Variants in SLC25A21 observed in about 807,000 individuals in gnomAD.
The protein encoded by SLC25A21 is mitochondrial 2-oxodicarboxylate carrier.
In SLC25A21, 47 loss-of-function variants were observed where a neutral mutation model predicts 43.8. The ratio of observed to expected loss-of-function variants is 1.07; its 90% CI spans 0.85 to 1.37. SLC25A21 has a LOEUF of 1.37. SLC25A21 is among the 40% of genes most tolerant of loss of function. The pLI is 0.00. For missense variants in SLC25A21, 352 were observed against 350.2 expected, an observed-to-expected ratio of 1.00 and a Z score of -0.04; for synonymous variants, 131 against 121.3, an observed-to-expected ratio of 1.08 and a Z score of -0.52.
chr14:36,763,642 T>A (rs1886249262), intron 3 of SLC25A21, among the ~76,000 whole-genome samples: 1 of 152,042 alleles, frequency 6.6e-6, no homozygotes, highest in South Asian at 2.1e-4. Flanking sequence ...GGGTCCTTGC[T>A]TGATTTGATG....
chr14:37,162,452 CA>C (rs968519372), intron 1 of SLC25A21, among the ~76,000 whole-genome samples: 10 of 58,636 alleles, frequency 1.7e-4, no homozygotes, highest in African/African-American at 5.3e-4. Flanking sequence ...AAGAAAAAAA[CA>C]AACAACCCCA....
intron 1 of SLC25A21, among the ~76,000 whole-genome samples, chr14:36,995,071 C>T (rs1026420507): frequency 1.3e-5 from 2 of 152,150 alleles, no homozygotes; most frequent in African/African-American, 4.8e-5. Flanking sequence ...TCCCCTTTCA[C>T]GTCTGGCCTG....
intron 3 of SLC25A21, among the ~76,000 whole-genome samples, chr14:36,812,418 T>C (rs1888303210): frequency 6.6e-6 from 1 of 151,392 alleles, no homozygotes; most frequent in African/African-American, 2.4e-5. Flanking sequence ...TAGCTAGCAA[T>C]GTACTTTACT....
At chr14:36,883,705 T>C (rs1890825125) in intron 1 of SLC25A21, among the ~76,000 whole-genome samples, 1 of 152,182 alleles carries the variant, frequency 6.6e-6, no homozygotes, top group African/African-American at 2.4e-5. Flanking sequence ...ATTATGGGAT[T>C]CCATTTCAGT....
intron 1 of SLC25A21, among the ~76,000 whole-genome samples, chr14:37,017,861 G>C (rs1043414422): frequency 6.6e-6 from 1 of 151,764 alleles, no homozygotes. Context: ...CTTTTGGATG[G>C]GACAATATAA....
chr14:36,837,959 A>G (rs1019420227), intron 2 of SLC25A21, among the ~76,000 whole-genome samples: 1 of 152,198 alleles, frequency 6.6e-6, no homozygotes, highest in Admixed American at 6.5e-5. Flanking sequence ...CAGCACCAGG[A>G]ACCAAGTCAT....
chr14:36,726,201 C>G (rs1486717970), intron 5 of SLC25A21, among the ~76,000 whole-genome samples: 1 of 152,160 alleles, frequency 6.6e-6, no homozygotes, highest in East Asian at 1.9e-4. Flanking sequence ...GGACTATTAA[C>G]AAACAAAAAT....
chr14:37,105,179 GT>G (rs1962888059), intron 1 of SLC25A21, among the ~76,000 whole-genome samples: 1 of 152,164 alleles, frequency 6.6e-6, no homozygotes, highest in African/African-American at 2.4e-5. Flanking sequence ...ATAAACAAGT[GT>G]TTTTATCTGA....
intron 1 of SLC25A21, among the ~76,000 whole-genome samples, chr14:37,101,253 T>C (rs1225151758): frequency 6.6e-6 from 1 of 152,234 alleles, no homozygotes; most frequent in Non-Finnish European, 1.5e-5. Context: ...ACAAACAGTC[T>C]ATATTTTTAT....
intron 3 of SLC25A21, among the ~76,000 whole-genome samples, chr14:36,811,785 C>T (rs1421005243): frequency 2.6e-5 from 4 of 152,142 alleles, no homozygotes; most frequent in Admixed American, 2.0e-4. Context: ...TTTCTATATA[C>T]CACACTGCAC....
chr14:36,679,052 T>G lies in SLC25A21; in HGVS notation c.*1606A>C. 1.0e-6 allele frequency: 1 copy of G among 985,524 alleles called. No individual in the cohort carries two copies. The highest frequency in any genetic ancestry group is 1.7e-5 in the African/African-American group (1 of 57,382). The allele number at this position is 985,524 out of a possible 1,614,324, so 61.0% of individuals were successfully genotyped here. A position where few individuals can be genotyped will look rare whatever the true frequency, so the allele number is the denominator to read the frequency against. On this transcript the variant is annotated 3_prime_UTR_variant, in exon 10 of 10. Coordinates refer to ENST00000331299, the MANE Select transcript of SLC25A21 (RefSeq NM_030631.4). Reference sequence around the variant, plus strand: ...TGCACTCTTCAGAAATCCTTTTCTATCTGATCCACATGGAGAGGTTAAAGG... The same window carrying G: ...TGCACTCTTCAGAAATCCTTTTCTAGCTGATCCACATGGAGAGGTTAAAGG...
chr14:36,965,254 C>A (rs1207792960), intron 1 of SLC25A21, among the ~76,000 whole-genome samples: 3 of 152,108 alleles, frequency 2.0e-5, no homozygotes, highest in African/African-American at 7.2e-5. Flanking sequence ...ATCATAATCA[C>A]CATGACTTTC....
intron 3 of SLC25A21, among the ~76,000 whole-genome samples, chr14:36,756,422 G>C (rs1566578398): frequency 6.6e-6 from 1 of 152,222 alleles, no homozygotes; most frequent in African/African-American, 2.4e-5. Context: ...GGTTCACGAG[G>C]CTCCCCAGAG....
At chr14:36,973,319 G>T (rs1439792748) in intron 1 of SLC25A21, among the ~76,000 whole-genome samples, 1 of 152,136 alleles carries the variant, frequency 6.6e-6, no homozygotes, top group East Asian at 1.9e-4. Context: ...GAGGAGAAAA[G>T]GGGTGAACAA....
chr14:36,684,649 A>C, intron 8 of SLC25A21, 95 bp downstream of exon 8: 1 of 1,152,428 alleles, frequency 8.7e-7, no homozygotes, highest in South Asian at 2.0e-5. Flanking sequence ...TCCACTTAGG[A>C]GGGCTTACTG....
chr14:37,061,594 A>G (rs546324802), intron 1 of SLC25A21, among the ~76,000 whole-genome samples: 2 of 152,332 alleles, frequency 1.3e-5, no homozygotes, highest in Admixed American at 1.3e-4. Context: ...GAGGAACAAA[A>G]TAATAGGGAA....
rs534687440 is a variant in SLC25A21 at position 37,024,838 on chromosome 14, T to C, written c.70+147443A>G. ...TAATTAATCTCCTTATTTATATATATCTAGCTTCAGAAATGGAGAAAAAAA... is the reference window on the plus strand; with the variant it reads ...TAATTAATCTCCTTATTTATATATACCTAGCTTCAGAAATGGAGAAAAAAA... On this transcript the variant is annotated intron_variant, in intron 1 of 9. Coordinates refer to ENST00000331299, the MANE Select transcript of SLC25A21 (RefSeq NM_030631.4). 1.5e-3 allele frequency among the ~76,000 whole-genome samples: 226 copies of C among 152,204 alleles called. 1 individual carries two copies. The highest frequency in any genetic ancestry group is 5.1e-3 in the African/African-American group (213 of 41,564).
chr14:37,161,004 G>A (rs1439818834), intron 1 of SLC25A21, among the ~76,000 whole-genome samples: 1 of 88,530 alleles, frequency 1.1e-5, no homozygotes, highest in Non-Finnish European at 2.8e-5. Context: ...GGGGGCAGGT[G>A]GAGGGGGCGG....
At chr14:36,987,436 T>C (rs182824783) in intron 1 of SLC25A21, among the ~76,000 whole-genome samples, 4 of 152,320 alleles carry the variant, frequency 2.6e-5, no homozygotes, top group Admixed American at 6.5e-5. Context: ...ACAAAAAGTA[T>C]AAAGAAAATA....
Sources: gnomAD v4.1 joint callset for allele counts (sites outside exome capture counted in the v4.1 genomes callset) on GRCh38, gnomAD v4.1.1 for gene constraint, MANE v1.5 for transcripts, NCBI Gene and HGNC (gene_info 2026-07-23, HGNC 2026-07-21) for gene names.